The following LATS2 variants were observed in gnomAD, a reference collection of about 807,000 sequenced individuals.
LATS2 encodes the protein large tumor suppressor kinase 2.
Under a neutral mutation model 76.0 loss-of-function variants are expected in LATS2, and 24 were observed. The ratio of observed to expected loss-of-function variants is 0.32; its 90% CI spans 0.23 to 0.44. The LOEUF (loss-of-function observed/expected upper bound fraction) is 0.44. LATS2 is among the 20% of genes least tolerant of loss of function. The probability of loss-of-function intolerance (pLI) is 1.00; values close to 1 mark genes in which losing one functional copy is unlikely to be tolerated. For missense variants in LATS2, 1,286 were observed against 1,481.2 expected (o/e 0.87, Z 2.16); for synonymous variants, 692 against 635.4 (o/e 1.09, Z -1.34).
In LATS2 at chr13:20,983,532, T is replaced by C. The variant is rs775247544; in HGVS notation, c.2174A>G (p.Asn725Ser). 8 of 1,613,998 alleles carry C rather than the reference T, an allele frequency of 5.0e-6. 1 individual carries two copies. Among genetic ancestry groups the C allele is most frequent in the South Asian group, 2.2e-5 (2 of 91,086 alleles). Reference protein sequence around the residue: ...AERDILAEADNEWVVKLYYSF... With the variant: ...AERDILAEADSEWVVKLYYSF... ...GTAGTAGAGTTTGACCACCCACTCA[T>C]TGTCTGCCTCGGCCAGGATGTCCCT... Residue 725 changes from asparagine (N) to serine (S), a missense_variant, in exon 5 of 8, where the codon AAT (asparagine) becomes AGT (serine). Physicochemically the swap from Asn to Ser is conservative, Grantham distance 46. Around this residue, in one of 5 missense-constraint regions of LATS2, gnomAD observed 247 missense variants for 385.4 expected, o/e 0.64. Transcript: ENST00000382592.
At chr13:21,060,911 C>G (rs962361047) in intron 1 of LATS2, among the ~76,000 whole-genome samples, 81 of 151,376 alleles carry the variant, frequency 5.4e-4, no homozygotes, top group African/African-American at 1.9e-3. Context: ...AAAAGCCGAT[C>G]CCCCGGAGAC....
chr13:21,019,912 C>T (rs12585329), intron 2 of LATS2, among the ~76,000 whole-genome samples: 61,832 of 149,016 alleles, frequency 0.41, 14,591 homozygotes, highest in African/African-American at 0.63. Flanking sequence ...AGGTGGAGTT[C>T]GCAGTGAGCT....
At chr13:21,023,085 T>C (rs939165323) in intron 2 of LATS2, 4 of 152,244 alleles carry the variant, frequency 2.6e-5, no homozygotes, top group African/African-American at 7.2e-5. Context: ...AGGGGGGCAG[T>C]GTCGCTCGAG....
At chr13:20,998,838 C>T (rs1454063320) in intron 2 of LATS2, among the ~76,000 whole-genome samples, 1 of 152,162 alleles carries the variant, frequency 6.6e-6, no homozygotes, top group Non-Finnish European at 1.5e-5. Context: ...ACATTGTGCA[C>T]GCCGGGTGGG....
chr13:21,007,468 A>T (rs1210114726), intron 2 of LATS2, among the ~76,000 whole-genome samples: 1 of 137,048 alleles, frequency 7.3e-6, no homozygotes, highest in Non-Finnish European at 1.5e-5. Context: ...GGCTCGGCCA[A>T]TAATCAGGTT....
chr13:20,999,813 C>T (rs1870959216), intron 2 of LATS2, among the ~76,000 whole-genome samples: 1 of 149,348 alleles, frequency 6.7e-6, no homozygotes, highest in Non-Finnish European at 1.5e-5. Flanking sequence ...TGCCAATGAT[C>T]ACGAGACCAG....
chr13:21,024,864 G>GA (rs941685396), intron 2 of LATS2, among the ~76,000 whole-genome samples: 1 of 152,054 alleles, frequency 6.6e-6, no homozygotes, highest in Non-Finnish European at 1.5e-5. Flanking sequence ...CACCTCAATT[G>GA]AGATGAGCCC....
At chr13:21,016,092 C>G (rs930270965) in intron 2 of LATS2, among the ~76,000 whole-genome samples, 1 of 151,662 alleles carries the variant, frequency 6.6e-6, no homozygotes, top group Non-Finnish European at 1.5e-5. Flanking sequence ...TGGGTTCAAG[C>G]GATTCTCTCA....
rs1869485860 is a variant in LATS2 at position 20,974,303 on chromosome 13, C to CA, written c.*566dup. 2.2e-5 allele frequency: 5 copies of CA among 223,482 alleles called. No homozygotes were observed. The highest frequency in any genetic ancestry group is 6.5e-5 in the East Asian group (1 of 15,386). The allele number at this position is 223,482 out of a possible 1,614,324, so 13.8% of individuals were successfully genotyped here. The stretch of plus-strand genomic sequence containing the variant: ...CTATTATACTAGATATGCAAAAAGC[C>CA]AAAAAAAGCAGCTTTTAACATTATA... On this transcript the variant is annotated 3_prime_UTR_variant, in exon 8 of 8. Coordinates refer to ENST00000382592, the MANE Select transcript of LATS2 (RefSeq NM_014572.3).
At chr13:21,035,550 A>G (rs1279847500) in intron 2 of LATS2, among the ~76,000 whole-genome samples, 1 of 152,216 alleles carries the variant, frequency 6.6e-6, no homozygotes, top group Non-Finnish European at 1.5e-5. Flanking sequence ...AACAAAAACC[A>G]TCAATCTAGA....
intron 2 of LATS2, among the ~76,000 whole-genome samples, chr13:21,040,585 A>G (rs141171156): frequency 6.6e-6 from 1 of 152,244 alleles, no homozygotes; most frequent in Non-Finnish European, 1.5e-5. Flanking sequence ...AAAGTAAGCA[A>G]GCGGGAAGAG....
intron 2 of LATS2, among the ~76,000 whole-genome samples, chr13:21,015,402 CA>C (rs1871759357): frequency 6.6e-6 from 1 of 152,102 alleles, no homozygotes; most frequent in African/African-American, 2.4e-5. Flanking sequence ...CCTTGTGGCA[CA>C]ATTTCTGCTG....
chr13:21,010,948 T>C (rs942330994), intron 2 of LATS2, among the ~76,000 whole-genome samples: 11 of 152,256 alleles, frequency 7.2e-5, no homozygotes, highest in African/African-American at 2.4e-4. Context: ...AAACACTCCT[T>C]AGATTCTCTG....
intron 1 of LATS2, among the ~76,000 whole-genome samples, chr13:21,059,530 G>A (rs1873556267): frequency 6.6e-6 from 1 of 152,178 alleles, no homozygotes; most frequent in Admixed American, 6.5e-5. Flanking sequence ...CAGGAGGCGA[G>A]GTTGCAGTGA....
At chr13:21,039,953 A>G (rs1872811235) in intron 2 of LATS2, among the ~76,000 whole-genome samples, 1 of 152,154 alleles carries the variant, frequency 6.6e-6, no homozygotes, top group Non-Finnish European at 1.5e-5. Context: ...CATGCCTGTA[A>G]TCCCAGCTAC....
chr13:21,061,321 C>G (rs749105936), intron 1 of LATS2, 25 bp downstream of exon 1: 1 of 152,436 alleles, frequency 6.6e-6, no homozygotes, highest in Non-Finnish European at 1.5e-5. Flanking sequence ...GCTGCCGCCC[C>G]GACCCCAGCT....
intron 2 of LATS2, among the ~76,000 whole-genome samples, chr13:20,997,105 T>C (rs891340647): frequency 6.6e-6 from 1 of 152,082 alleles, no homozygotes; most frequent in Non-Finnish European, 1.5e-5. Flanking sequence ...CTCAAGAGGT[T>C]TTCTGCCTCA....
Position 20,991,552 on chromosome 13 carries a change from A to C in LATS2, c.343-148T>G. On this transcript the variant is annotated intron_variant, in intron 2 of 7. Transcript: ENST00000382592. This position sits in a 1 kb window ranked among gnomAD's most constrained non-coding sequence, Gnocchi z 4.9. Reference sequence around the variant, plus strand: ...GCGATATGCTGCAGGAGACCCTCAGAATGAGTGCAGGTGGCTGTGTGCCCT... The same window carrying C: ...GCGATATGCTGCAGGAGACCCTCAGCATGAGTGCAGGTGGCTGTGTGCCCT... 1.1e-6 allele frequency: 1 copy of C among 895,298 alleles called. No individual in the cohort carries two copies. The highest frequency in any genetic ancestry group is 1.7e-6 in the Non-Finnish European group (1 of 591,598). 55.5% of individuals were successfully genotyped at this position (895,298 alleles called of 1,614,324 possible). A position where few individuals can be genotyped will look rare whatever the true frequency, so the allele number is the denominator to read the frequency against.
At chr13:21,043,791 G>A (rs1185353870) in intron 2 of LATS2, among the ~76,000 whole-genome samples, 1 of 152,092 alleles carries the variant, frequency 6.6e-6, no homozygotes, top group Non-Finnish European at 1.5e-5. Context: ...CCTGTATTTG[G>A]GATTATTTGC....
Sources: gnomAD v4.1 joint callset for allele counts (sites outside exome capture counted in the v4.1 genomes callset) on GRCh38, gnomAD v4.1.1 for gene constraint, gnomAD v4.1.1 regional missense constraint, Gnocchi (gnomAD v3.1) non-coding constraint, MANE v1.5 for transcripts, NCBI Gene and HGNC (gene_info 2026-07-23, HGNC 2026-07-21) for gene names.